The following PDE3A variants were observed in gnomAD, a reference collection of about 807,000 sequenced individuals.
The protein encoded by PDE3A is phosphodiesterase 3A, also known as cGMP-inhibited 3',5'-cyclic phosphodiesterase 3A.
In PDE3A, 43 loss-of-function variants were observed where a neutral mutation model predicts 98.3. The observed-to-expected ratio is 0.44, with a 90% CI of 0.34 to 0.56. PDE3A has a LOEUF of 0.56. PDE3A is among the 20% of genes least tolerant of loss of function. PDE3A has a pLI of 0.01. For missense variants in PDE3A, 1,427 were observed against 1,440.7 expected (o/e 0.99, Z 0.15); for synonymous variants, 663 against 567.9 (o/e 1.17, Z -2.38).
chr12:20,411,374 C>T (rs962208640), intron 1 of PDE3A, among the ~76,000 whole-genome samples: 1 of 152,076 alleles, frequency 6.6e-6, no homozygotes, highest in African/African-American at 2.4e-5. Flanking sequence ...CTTTAGGTAC[C>T]TTTTAGAAGT....
chr12:20,673,601 C>CA (rs1477168410), intron 15 of PDE3A, among the ~76,000 whole-genome samples: 12 of 149,954 alleles, frequency 8.0e-5, no homozygotes, highest in South Asian at 4.2e-4. Context: ...ATTGCAAGAA[C>CA]AAAAAACCAA....
chr12:20,443,584 C>G (rs1671139263), intron 1 of PDE3A, among the ~76,000 whole-genome samples: 1 of 152,070 alleles, frequency 6.6e-6, no homozygotes, highest in Non-Finnish European at 1.5e-5. Flanking sequence ...ATAAGACTAA[C>G]TCTTTTCGTT....
rs755043498 is a variant in PDE3A at position 20,654,187 on chromosome 12, G to A, written c.3166G>A (p.Glu1056Lys). 1 of 1,613,952 alleles carries A rather than the reference G, an allele frequency of 6.2e-7. No homozygotes were observed. The highest frequency in any genetic ancestry group is 8.5e-7 in the Non-Finnish European group (1 of 1,179,974). Residue 1056 changes from glutamate to lysine, a missense_variant, in exon 15 of 16, where the codon GAA (glutamate) becomes AAA (lysine). Coordinates refer to ENST00000359062, the MANE Select transcript of PDE3A (RefSeq NM_000921.5). Reference protein sequence around the residue: ...APAPNEEETCENNESPKKKTF... With the variant: ...APAPNEEETCKNNESPKKKTF... ...AGCACCAAATGAAGAGGAAACCTGT[G>A]AAAATAATGAATCTCCAAGTAAGTT...
At chr12:20,605,324 A>G (rs1943685386) in intron 2 of PDE3A, among the ~76,000 whole-genome samples, 2 of 152,192 alleles carry the variant, frequency 1.3e-5, no homozygotes, top group Non-Finnish European at 2.9e-5. Flanking sequence ...GCAATTTACC[A>G]TAAGAAGGAA....
chr12:20,477,069 CT>C (rs567718862), intron 1 of PDE3A, among the ~76,000 whole-genome samples: 28 of 152,230 alleles, frequency 1.8e-4, no homozygotes, highest in African/African-American at 6.7e-4. Context: ...ATTCTATCTA[CT>C]TTTATATACT....
chr12:20,501,418 A>G (rs1946023207), intron 1 of PDE3A, among the ~76,000 whole-genome samples: 1 of 152,170 alleles, frequency 6.6e-6, no homozygotes, highest in Non-Finnish European at 1.5e-5. Context: ...AAATTAAAGT[A>G]GTGGAAGTAT....
chr12:20,520,062 G>A (rs553020611), intron 1 of PDE3A, among the ~76,000 whole-genome samples: 1 of 152,276 alleles, frequency 6.6e-6, no homozygotes, highest in African/African-American at 2.4e-5. Context: ...TTGAACCTAG[G>A]TATGTTTAAC....
intron 1 of PDE3A, among the ~76,000 whole-genome samples, chr12:20,540,979 A>AAGCTAG (rs1941884812): frequency 6.6e-6 from 1 of 151,428 alleles, no homozygotes; most frequent in South Asian, 2.1e-4. Context: ...CTCCTAACAT[A>AAGCTAG]AGCTAGAGTT....
At chr12:20,457,457 A>G (rs899793421) in intron 1 of PDE3A, among the ~76,000 whole-genome samples, 1 of 151,860 alleles carries the variant, frequency 6.6e-6, no homozygotes, top group Non-Finnish European at 1.5e-5. Context: ...TGCATGTAAC[A>G]CATAAAAATA....
intron 1 of PDE3A, among the ~76,000 whole-genome samples, chr12:20,516,881 C>A (rs1035586814): frequency 3.9e-5 from 6 of 152,066 alleles, no homozygotes; most frequent in Non-Finnish European, 8.8e-5. Context: ...ATATTTTATT[C>A]TGTGAGGCTA....
chr12:20,557,001 C>T (rs979700157), intron 2 of PDE3A: 4 of 356,532 alleles, frequency 1.1e-5, no homozygotes, highest in South Asian at 4.3e-5. Context: ...CAGCAACCCA[C>T]TCTCTTTATT....
intron 2 of PDE3A, among the ~76,000 whole-genome samples, chr12:20,589,125 C>T (rs1240425155): frequency 1.3e-5 from 2 of 151,892 alleles, no homozygotes; most frequent in Non-Finnish European, 2.9e-5. Flanking sequence ...GGGGTTTCAC[C>T]GTGTTAGCCA....
intron 2 of PDE3A, among the ~76,000 whole-genome samples, chr12:20,562,102 A>G (rs1484261656): frequency 6.6e-6 from 1 of 152,150 alleles, no homozygotes; most frequent in Non-Finnish European, 1.5e-5. Context: ...TACCAAATGA[A>G]GTCAGGGGAT....
rs1329246214 is a variant in PDE3A, at chr12:20,558,972, T to C, written c.1011+2262T>C. On this transcript the variant is annotated intron_variant, in intron 2 of 15. Coordinates refer to ENST00000359062, the MANE Select transcript of PDE3A (RefSeq NM_000921.5). ...AACTGAAGACAACTGAAAAGACAAG[T>C]ATACTGCTTTCCAAGAGCTCACAAA... Among the ~76,000 whole-genome samples the C allele has an allele frequency of 2.6e-5, 4 of 152,128 alleles. No individual in the cohort carries two copies. In the East Asian group the frequency reaches 7.7e-4, roughly 29 times the overall value.
At chr12:20,393,879 G>A (rs1943963184) in intron 1 of PDE3A, among the ~76,000 whole-genome samples, 2 of 151,994 alleles carry the variant, frequency 1.3e-5, no homozygotes, top group Non-Finnish European at 2.9e-5. Flanking sequence ...CTTCGATTCT[G>A]ATATGTTCTC....
At chr12:20,418,847 G>C (rs1393218207) in intron 1 of PDE3A, among the ~76,000 whole-genome samples, 3 of 151,900 alleles carry the variant, frequency 2.0e-5, no homozygotes, top group Non-Finnish European at 2.9e-5. Flanking sequence ...TTAACAGTAT[G>C]TTATAACCCA....
At chr12:20,464,467 G>T (rs1362263366) in intron 1 of PDE3A, among the ~76,000 whole-genome samples, 1 of 151,890 alleles carries the variant, frequency 6.6e-6, no homozygotes, top group East Asian at 1.9e-4. Context: ...TTTTCCCATT[G>T]CTTGGCTAAT....
Position 20,646,960 on chromosome 12 carries a change from T to G in PDE3A, c.2565+10T>G. On this transcript the variant is annotated intron_variant, in intron 12 of 15. Transcript: ENST00000359062. ...AACTAGTGCTCCTCAGGTAAATCTTTAGATTTTGGTTAGGAGAACTAATTT... is the reference window on the plus strand; with the variant it reads ...AACTAGTGCTCCTCAGGTAAATCTTGAGATTTTGGTTAGGAGAACTAATTT... The G allele has an allele frequency of 3.8e-6, 6 of 1,590,476 alleles. No homozygotes were observed. The highest frequency in any genetic ancestry group is 5.2e-6 in the Non-Finnish European group (6 of 1,159,436).
chr12:20,538,917 A>T (rs1592033999), intron 1 of PDE3A, among the ~76,000 whole-genome samples: 1 of 151,272 alleles, frequency 6.6e-6, no homozygotes, highest in East Asian at 1.9e-4. Context: ...AAATGTTGAG[A>T]TTACAAGTGT....
Sources: gnomAD v4.1 joint callset for allele counts (sites outside exome capture counted in the v4.1 genomes callset) on GRCh38, gnomAD v4.1.1 for gene constraint, MANE v1.5 for transcripts, NCBI Gene and HGNC (gene_info 2026-07-23, HGNC 2026-07-21) for gene names.